GCA: variants seen among roughly 807,000 people sequenced by gnomAD.
GCA encodes grancalcin.
GCA carries 30 observed loss-of-function variants against 32.6 expected under a neutral mutation model. The ratio of observed to expected loss-of-function variants is 0.92; its 90% CI spans 0.69 to 1.25. The LOEUF is 1.25. GCA is among the 50% of genes most tolerant of loss of function. The pLI is 0.00. For synonymous variants in GCA, 102 were observed against 84.6 expected, an observed-to-expected ratio of 1.21 and a Z score of -1.13; for missense variants, 291 against 266.8, an observed-to-expected ratio of 1.09 and a Z score of -0.63.
chr2:162,328,681 GT>G (rs1235834474), intron 1 of GCA, among the ~76,000 whole-genome samples: 17 of 152,294 alleles, frequency 1.1e-4, no homozygotes, highest in African/African-American at 2.9e-4. Context: ...TTTGCTTTTA[GT>G]TTTGCTATCT....
chr2:162,330,526 T>G (rs2105271998), intron 1 of GCA, among the ~76,000 whole-genome samples: 1 of 152,326 alleles, frequency 6.6e-6, no homozygotes, highest in South Asian at 2.1e-4. Context: ...CTCCAATAGG[T>G]AGTGCTGATG....
In GCA at chr2:162,360,481, A is replaced by C; in HGVS notation, c.*238A>C. ...TATAAATATGTGCATATTGTCATAA[A>C]ATATTGTATGATTAATTGATTTAAA... On this transcript the variant is annotated 3_prime_UTR_variant, in exon 8 of 8. Transcript: ENST00000437150. 1 of 991,908 alleles carries C rather than the reference A, an allele frequency of 1.0e-6. No homozygotes were observed. 61.4% of individuals were successfully genotyped at this position (991,908 alleles called of 1,614,324 possible).
intron 1 of GCA, chr2:162,319,497 G>C (rs928776678): frequency 9.2e-6 from 2 of 217,518 alleles, no homozygotes; most frequent in Non-Finnish European, 1.9e-5. Context: ...TTCTTTTCTT[G>C]GATTCAATAC....
At chr2:162,367,936 A>G (rs1685808837), downstream of GCA, among the ~76,000 whole-genome samples, 1 of 152,014 alleles carries the variant, frequency 6.6e-6, no homozygotes, top group Non-Finnish European at 1.5e-5. Flanking sequence ...TCAAGGTCAC[A>G]CAGCTATTGA....
intron 5 of GCA, among the ~76,000 whole-genome samples, chr2:162,358,489 G>A (rs1002567531): frequency 1.3e-5 from 2 of 151,416 alleles, no homozygotes; most frequent in Middle Eastern, 3.4e-3. Context: ...GTGAAATAGC[G>A]AGAAAGCTGT....
chr2:162,332,105 C>T (rs4664466), intron 1 of GCA, among the ~76,000 whole-genome samples: 5,826 of 151,788 alleles, frequency 0.038, 449 homozygotes, highest in Admixed American at 0.21. Context: ...GTCAGGAGAT[C>T]GAGACCATCC....
intron 5 of GCA, among the ~76,000 whole-genome samples, chr2:162,357,965 C>T (rs555207094): frequency 2.2e-4 from 33 of 151,700 alleles, no homozygotes; most frequent in Middle Eastern, 3.4e-3. Context: ...TAGCTCATAA[C>T]TCTCTAATAT....
At chr2:162,373,592 G>A (rs139719597), downstream of GCA, 1 of 1,578,652 alleles carries the variant, frequency 6.3e-7, no homozygotes, top group Non-Finnish European at 8.6e-7. Context: ...TAGGCTGGGG[G>A]GACCACAGTG....
intron 1 of GCA, among the ~76,000 whole-genome samples, chr2:162,325,887 G>C (rs1683858731): frequency 6.6e-6 from 1 of 151,712 alleles, no homozygotes; most frequent in African/African-American, 2.4e-5. Context: ...TTTGCGTTAA[G>C]TCCTGTAGGG....
chr2:162,367,309 A>G, downstream of GCA, among the ~76,000 whole-genome samples: 1 of 151,966 alleles, frequency 6.6e-6, no homozygotes, highest in East Asian at 1.9e-4. Context: ...TAGGGGTCTG[A>G]AAACCATTGC....
intron 2 of GCA, among the ~76,000 whole-genome samples, chr2:162,350,856 T>C (rs1381077955): frequency 6.6e-6 from 1 of 152,184 alleles, no homozygotes; most frequent in African/African-American, 2.4e-5. Flanking sequence ...TTCGTATGGA[T>C]GAATTAACTA....
At chr2:162,351,067 A>G (rs1214842029) in intron 2 of GCA, among the ~76,000 whole-genome samples, 3 of 152,154 alleles carry the variant, frequency 2.0e-5, no homozygotes, top group African/African-American at 7.2e-5. Flanking sequence ...ACCTGATTAA[A>G]GGTTTCTGCA....
At chr2:162,345,134 G>GGTGGTGGTGGTT (rs1404529265) in intron 1 of GCA, among the ~76,000 whole-genome samples, 24 of 149,456 alleles carry the variant, frequency 1.6e-4, no homozygotes, top group African/African-American at 5.0e-4. Flanking sequence ...TGGTGGTGGT[G>GGTGGTGGTGGTT]GTTGTGGTTG....
In GCA at chr2:162,361,785, A is replaced by G; in HGVS notation, c.*1542A>G. ...GACATTAACTGAGCTGGGAAATTAA[A>G]GAAACAGAATTCTAATTAGAAGTGT... On this transcript the variant is annotated 3_prime_UTR_variant, in exon 8 of 8. Transcript: ENST00000437150. 2 of 984,500 alleles carry G rather than the reference A, an allele frequency of 2.0e-6. No individual in the cohort carries two copies. The highest frequency in any genetic ancestry group is 1.7e-5 in the African/African-American group (1 of 57,280). 61.0% of individuals were successfully genotyped at this position (984,500 alleles called of 1,614,324 possible). A position where few individuals can be genotyped will look rare whatever the true frequency, so the allele number is the denominator to read the frequency against.
rs1685302310 is a variant in GCA, at chr2:162,356,850, A to G, written c.399A>G (p.Gln133=). Residue 133 remains glutamine (Q), a synonymous_variant, in exon 5 of 8, where the codon CAA becomes CAG. Transcript: ENST00000437150. ...AWKENFMTVD[Q]DGSGTVEHHE... The stretch of plus-strand genomic sequence containing the variant: ...AGGAAAACTTCATGACTGTTGATCA[A>G]GATGGAAGTGGCACAGTAGAACATC... 2 of 1,610,550 alleles carry G rather than the reference A, an allele frequency of 1.2e-6. No homozygotes were observed. The highest frequency in any genetic ancestry group is 1.7e-6 in the Non-Finnish European group (2 of 1,177,364).
intron 1 of GCA, among the ~76,000 whole-genome samples, chr2:162,324,433 C>A (rs900010922): frequency 2.0e-5 from 3 of 152,200 alleles, no homozygotes; most frequent in Non-Finnish European, 4.4e-5. Context: ...AACTCTGCGA[C>A]GTTCTACTTC....
chr2:162,359,518 T>C lies in GCA; in HGVS notation c.593T>C (p.Leu198Ser), dbSNP rs774097597. 2 of 1,545,356 alleles carry C rather than the reference T, an allele frequency of 1.3e-6. No individual in the cohort carries two copies. The highest frequency in any genetic ancestry group is 8.9e-7 in the Non-Finnish European group (1 of 1,126,120). The part of the protein sequence containing the change: ...LTDFFRKRDH[L>S]QQGSANFIYD... Reference sequence around the variant, plus strand: ...GATTTCTTTAGGAAAAGAGACCACTTGCAACAAGGGTCTGCGAATTTCATA... The same window carrying C: ...GATTTCTTTAGGAAAAGAGACCACTCGCAACAAGGGTCTGCGAATTTCATA... The change falls in exon 7 of 8, where the codon TTG becomes TCG. Residue 198 changes from leucine (L) to serine (S), a missense_variant. Coordinates refer to ENST00000437150, the MANE Select transcript of GCA (RefSeq NM_012198.5).
downstream of GCA, chr2:162,373,602 G>C (rs1686047834): frequency 1.3e-6 from 2 of 1,571,994 alleles, no homozygotes; most frequent in African/African-American, 2.8e-5. Context: ...GGACCACAGT[G>C]GTTTGTTTCT....
chr2:162,329,667 A>T (rs1253840077), intron 1 of GCA, among the ~76,000 whole-genome samples: 3 of 150,836 alleles, frequency 2.0e-5, no homozygotes, highest in African/African-American at 7.3e-5. Context: ...ATTTTATTAT[A>T]ATAATAATAA....
Sources: allele counts gnomAD v4.1 joint callset (sites outside exome capture counted in the v4.1 genomes callset), GRCh38; gene constraint gnomAD v4.1.1; transcripts MANE v1.5; gene names NCBI Gene and HGNC (gene_info 2026-07-23, HGNC 2026-07-21).